Variants in NF1 observed in about 807,000 individuals in gnomAD.
NF1 encodes neurofibromin.
A neutral mutation model predicts 325.7 loss-of-function variants in NF1; 122 were observed. The ratio of observed to expected loss-of-function variants is 0.37; its 90% CI spans 0.32 to 0.44. NF1 has a LOEUF of 0.44. Among genes scored for constraint, NF1 ranks in the 20% least tolerant of loss-of-function variants. The probability of loss-of-function intolerance (pLI) is 1.00; values close to 1 mark genes in which losing one functional copy is unlikely to be tolerated. For synonymous variants in NF1, 1,091 were observed against 1,186.0 expected, an observed-to-expected ratio of 0.92 and a Z score of 1.65; for missense variants, 2,140 against 3,415.4, an observed-to-expected ratio of 0.63 and a Z score of 9.31.
chr17:31,284,103 A>ATTGT (rs1213781438), intron 36 of NF1, among the ~76,000 whole-genome samples: 1 of 151,838 alleles, frequency 6.6e-6, no homozygotes, highest in Non-Finnish European at 1.5e-5. Flanking sequence ...GATTTTTGTT[A>ATTGT]TTGTTTGTTT....
chr17:31,305,392 G>A, intron 36 of NF1: 1 of 1,614,210 alleles, frequency 6.2e-7, no homozygotes, highest in Non-Finnish European at 8.5e-7. Context: ...GACTTTGGCA[G>A]GTGATATTGA....
At position 31,121,024 on chromosome 17, in the gene NF1, TA is replaced by T. The variant is rs894310803; in HGVS notation, c.60+25664del. On this transcript the variant is annotated intron_variant, in intron 1 of 57. Transcript: ENST00000358273. ...GTGCATTTACCACATTTAACCTAGT[TA>T]AAAAAAAACACAACAACCATGTATT... Among the ~76,000 whole-genome samples, 237 of 151,358 alleles carry T rather than the reference TA, an allele frequency of 1.6e-3. 1 individual carries two copies. Among genetic ancestry groups the T allele is most frequent in the Admixed American group, 4.2e-3 (63 of 15,156 alleles).
chr17:31,101,100 C>G (rs1912290321), intron 1 of NF1, among the ~76,000 whole-genome samples: 1 of 152,092 alleles, frequency 6.6e-6, no homozygotes, highest in South Asian at 2.1e-4. Flanking sequence ...ATACTCACCG[C>G]CTCTACTGTT....
At chr17:31,283,635 T>C (rs1024223690) in intron 36 of NF1, among the ~76,000 whole-genome samples, 2 of 151,904 alleles carry the variant, frequency 1.3e-5, no homozygotes, top group Non-Finnish European at 2.9e-5. Flanking sequence ...TTGTATTTTT[T>C]TGTAGAAACA....
chr17:31,283,456 T>C lies in NF1; in HGVS notation c.4835+18117T>C, dbSNP rs1029820625. Among the ~76,000 whole-genome samples the C allele has an allele frequency of 2.7e-5, 4 of 148,374 alleles. No homozygotes were observed. The East Asian group carries it at 7.9e-4, about 29-fold the overall frequency. On this transcript the variant is annotated intron_variant, in intron 36 of 57. Coordinates refer to ENST00000358273, the MANE Select transcript of NF1 (RefSeq NM_001042492.3). Reference sequence around the variant, plus strand: ...AAAAAAACACTAATTACCAGTTTTTTTGTTTTTGTTTTTTTGGGACAGGGT... The same window carrying C: ...AAAAAAACACTAATTACCAGTTTTTCTGTTTTTGTTTTTTTGGGACAGGGT...
intron 16 of NF1, among the ~76,000 whole-genome samples, chr17:31,224,367 G>A (rs2066977399): frequency 6.6e-6 from 1 of 152,154 alleles, no homozygotes; most frequent in Non-Finnish European, 1.5e-5. Flanking sequence ...TAGAAGCATA[G>A]CTGTGAAAGA....
At chr17:31,110,793 C>T (rs1913332446) in intron 1 of NF1, among the ~76,000 whole-genome samples, 2 of 152,070 alleles carry the variant, frequency 1.3e-5, no homozygotes, top group Admixed American at 1.3e-4. Flanking sequence ...GAATCAAAAA[C>T]ACAACGTTGG....
Position 31,356,979 on chromosome 17 carries a change from A to G in NF1, c.7758A>G (p.Ser2586=). 1.2e-6 allele frequency: 2 copies of G among 1,613,956 alleles called. No individual in the cohort carries two copies. The highest frequency in any genetic ancestry group is 1.7e-6 in the Non-Finnish European group (2 of 1,179,950). The change falls in exon 53 of 58, where the codon TCA becomes TCG. Residue 2586 remains serine (S), a synonymous_variant. Coordinates refer to ENST00000358273, the MANE Select transcript of NF1 (RefSeq NM_001042492.3). ...DYEMETQRIS[S]SQQHPHLRKV... ...CTGCAGAAACTCAGAGGATTTCCTC[A>G]TCACAACAGCACCCACATTTACGTA...
intron 54 of NF1, chr17:31,357,675 T>G (rs2070307435): frequency 5.0e-6 from 2 of 397,090 alleles, no homozygotes; most frequent in Non-Finnish European, 9.3e-6. Context: ...TCAGCATATC[T>G]GTTTTGGTTT....
chr17:31,331,650 G>A (rs750190097), intron 39 of NF1: 1 of 152,100 alleles, frequency 6.6e-6, no homozygotes, highest in Non-Finnish European at 1.5e-5. Flanking sequence ...TTTAATAAAT[G>A]AGGCTGGGAA....
Position 31,095,204 on chromosome 17 carries a change from C to T in NF1, c.-106C>T, listed in dbSNP as rs1911533484. On this transcript the variant is annotated 5_prime_UTR_variant, in exon 1 of 58. Coordinates refer to ENST00000358273, the MANE Select transcript of NF1 (RefSeq NM_001042492.3). ...CACTGGGAGCCTGCACTCCACAGAC[C>T]CTCTCCTTGCCTCTTCCCTCACCTC... 9.5e-7 allele frequency: 1 copy of T among 1,049,186 alleles called. No homozygotes were observed. Among genetic ancestry groups the T allele is most frequent in the Non-Finnish European group, 1.4e-6 (1 of 704,294 alleles). The allele number at this position is 1,049,186 out of a possible 1,614,324, so 65.0% of individuals were successfully genotyped here.
intron 46 of NF1, among the ~76,000 whole-genome samples, chr17:31,339,230 C>T (rs2069759293): frequency 6.6e-6 from 1 of 151,944 alleles, no homozygotes; most frequent in Admixed American, 6.6e-5. Flanking sequence ...AAACAAAATA[C>T]GTAGTATGTT....
At chr17:31,371,690 A>T (rs2070641907) in intron 57 of NF1, among the ~76,000 whole-genome samples, 1 of 152,216 alleles carries the variant, frequency 6.6e-6, no homozygotes, top group African/African-American at 2.4e-5. Flanking sequence ...TAAGGGTTTT[A>T]AAAAAGATTT....
At chr17:31,300,683 G>A (rs941891766) in intron 36 of NF1, among the ~76,000 whole-genome samples, 1 of 151,952 alleles carries the variant, frequency 6.6e-6, no homozygotes, top group Non-Finnish European at 1.5e-5. Context: ...AGGATTGCTG[G>A]GTAAAAGGGT....
At chr17:31,125,298 G>A (rs959316125) in intron 1 of NF1, among the ~76,000 whole-genome samples, 1 of 151,476 alleles carries the variant, frequency 6.6e-6, no homozygotes, top group African/African-American at 2.4e-5. Context: ...CTATACATTA[G>A]TTCATTATTT....
At chr17:31,313,634 A>T (rs2151520098) in intron 36 of NF1, among the ~76,000 whole-genome samples, 1 of 149,704 alleles carries the variant, frequency 6.7e-6, no homozygotes, top group South Asian at 2.1e-4. Flanking sequence ...TGAACCCAGG[A>T]GGTGGAGGTT....
chr17:31,217,879 C>A (rs528512944), intron 13 of NF1, among the ~76,000 whole-genome samples: 15 of 144,856 alleles, frequency 1.0e-4, no homozygotes, highest in African/African-American at 2.8e-4. Flanking sequence ...GCAGGAGAAT[C>A]GGTTGAACCC....
chr17:31,149,840 A>G (rs1916810289), intron 1 of NF1, among the ~76,000 whole-genome samples: 1 of 152,178 alleles, frequency 6.6e-6, no homozygotes, highest in Non-Finnish European at 1.5e-5. Flanking sequence ...TTGCCATGTA[A>G]GGTTTGTCTT....
intron 30 of NF1, chr17:31,252,565 TGTTTTTAGTGTGTGATC>T: frequency 4.2e-6 from 1 of 236,208 alleles, no homozygotes; most frequent in South Asian, 1.3e-4. Context: ...TAGACACAAA[TGTTTTTAGTGTGTGATC>T]TACTTGTAAT....
Sources: gnomAD v4.1 joint callset for allele counts (sites outside exome capture counted in the v4.1 genomes callset) on GRCh38, gnomAD v4.1.1 for gene constraint, MANE v1.5 for transcripts, NCBI Gene and HGNC (gene_info 2026-07-23, HGNC 2026-07-21) for gene names.